Variants in MUC5AC observed in about 807,000 individuals in gnomAD.
MUC5AC encodes the protein mucin 5AC, oligomeric mucus/gel-forming, also known as mucin-5AC.
MUC5AC carries 158 observed loss-of-function variants against 169.7 expected under a neutral mutation model. The observed-to-expected ratio is 0.93, with a 90% CI of 0.82 to 1.06. The LOEUF is 1.06. Among genes scored for constraint, MUC5AC ranks in the 50% least tolerant of loss-of-function variants. The pLI, the probability that MUC5AC is intolerant of heterozygous loss-of-function variation, is 0.00. For missense variants in MUC5AC, 4,359 were observed against 3,089.9 expected, an observed-to-expected ratio of 1.41 and a Z score of -9.74; for synonymous variants, 1,975 against 1,237.0, an observed-to-expected ratio of 1.60 and a Z score of -12.52.
Position 1,194,472 on chromosome 11 carries a change from A to G in MUC5AC, c.15007-15A>G, listed in dbSNP as rs28452143. ...CCTGCCTTCTGACTTCCCGTCGACC[A>G]CGCCCTGCGTCCAGATCATCTTCAA... On this transcript the variant is annotated splice_polypyrimidine_tract_variant and intron_variant, in intron 34 of 48. Coordinates refer to ENST00000621226, the MANE Select transcript of MUC5AC (RefSeq NM_001304359.2). The G allele has an allele frequency of 0.62, 457,937 of 742,562 alleles. 144,052 individuals are homozygous for G. The highest frequency in any genetic ancestry group is 0.75 in the African/African-American group (44,156 of 58,718). 46.0% of individuals were successfully genotyped at this position (742,562 alleles called of 1,614,324 possible).
rs372347813 is a variant in MUC5AC, at chr11:1,168,658, C to T, written c.1584C>T (p.Phe528=). 329 of 1,610,456 alleles carry T rather than the reference C, an allele frequency of 2.0e-4. 1 individual carries two copies. Among genetic ancestry groups the T allele is most frequent in the Non-Finnish European group, 2.2e-4 (262 of 1,177,932 alleles). ...LPISAANVTI[F]RPSTFFIIAQ... Reference sequence around the variant, plus strand: ...TGTCCCCAGCCAACGTCACCATCTTCAGACCCTCAACCTTCTTCATCATCG... The same window carrying T: ...TGTCCCCAGCCAACGTCACCATCTTTAGACCCTCAACCTTCTTCATCATCG... The change falls in exon 14 of 49, where the codon TTC becomes TTT. Residue 528 remains phenylalanine (F), a synonymous_variant. Coordinates refer to ENST00000621226, the MANE Select transcript of MUC5AC (RefSeq NM_001304359.2).
Position 1,189,078 on chromosome 11 carries a change from A to G in MUC5AC, c.10933A>G (p.Thr3645Ala). ...STPSGRATSP[T>A]QSTSSWQKSR... The stretch of plus-strand genomic sequence containing the variant: ...CCCTAGTGGGAGAGCCACCAGCCCA[A>G]CTCAGAGCACCTCCTCTTGGCAGAA... Residue 3645 changes from threonine (T) to alanine (A), a missense_variant, in exon 31 of 49, where the codon ACT becomes GCT. By Grantham distance (58) the Thr-to-Ala change is moderately conservative. Transcript: ENST00000621226. The G allele has an allele frequency of 1.6e-6, 1 of 623,514 alleles. No homozygotes were observed. The highest frequency in any genetic ancestry group is 2.9e-6 in the Non-Finnish European group (1 of 348,180). The allele number at this position is 623,514 out of a possible 1,614,324, so 38.6% of individuals were successfully genotyped here. A position where few individuals can be genotyped will look rare whatever the true frequency, so the allele number is the denominator to read the frequency against.
At position 1,193,632 on chromosome 11, in the gene MUC5AC, G is replaced by A. The variant is rs1177000624; in HGVS notation, c.14728G>A (p.Gly4910Ser). The change falls in exon 33 of 49, where the codon GGC becomes AGC. Residue 4910 changes from glycine to serine, a missense_variant. Physicochemically the swap from Gly to Ser is moderately conservative, Grantham distance 56. Coordinates refer to ENST00000621226, the MANE Select transcript of MUC5AC (RefSeq NM_001304359.2). ...YPAVKVADQD[G>S]CCHHYQCQCV... is the part of the protein sequence containing the mutation. Reference sequence around the variant, plus strand: ...GGCTGTGAAGGTGGCTGACCAAGATGGCTGCTGCCATCACTACCAGTGCCA... The same window carrying A: ...GGCTGTGAAGGTGGCTGACCAAGATAGCTGCTGCCATCACTACCAGTGCCA... 1 of 765,022 alleles carries A rather than the reference G, an allele frequency of 1.3e-6. No individual in the cohort carries two copies. The highest frequency in any genetic ancestry group is 1.3e-5 in the South Asian group (1 of 74,628). The allele number at this position is 765,022 out of a possible 1,614,324, so 47.4% of individuals were successfully genotyped here.
At chr11:1,167,345 AAC>A (rs1262299167) in intron 11 of MUC5AC, among the ~76,000 whole-genome samples, 1 of 151,618 alleles carries the variant, frequency 6.6e-6, no homozygotes, top group Non-Finnish European at 1.5e-5. Context: ...CCCTGCACCC[AAC>A]ACACAGTCTC....
Position 1,188,665 on chromosome 11 carries a change from T to C in MUC5AC, c.10520T>C (p.Val3507Ala), listed in dbSNP as rs1233197019. ...AAGACCAGCACAAGCCATGTTTCTG[T>C]ATCCAAGACAACCCACTCCCAACCA... ...VSKTSTSHVS[V>A]SKTTHSQPVT... is the part of the protein sequence containing the mutation. The change falls in exon 31 of 49, where the codon GTA becomes GCA. Residue 3507 changes from valine to alanine, a missense_variant. Val to Ala is a moderately conservative substitution (Grantham distance 64, BLOSUM62 0). Coordinates refer to ENST00000621226, the MANE Select transcript of MUC5AC (RefSeq NM_001304359.2). 10 of 764,982 alleles carry C rather than the reference T, an allele frequency of 1.3e-5. No individual in the cohort carries two copies. In the African/African-American group the frequency reaches 1.5e-4, roughly 12 times the overall value. The allele number at this position is 764,982 out of a possible 1,614,324, so 47.4% of individuals were successfully genotyped here.
At position 1,182,209 on chromosome 11, in the gene MUC5AC, C is replaced by T; in HGVS notation, c.4064C>T (p.Pro1355Leu). 1 of 398,734 alleles carries T rather than the reference C, an allele frequency of 2.5e-6. No homozygotes were observed. Among genetic ancestry groups the T allele is most frequent in the East Asian group, 3.6e-5 (1 of 28,070 alleles). 24.7% of individuals were successfully genotyped at this position (398,734 alleles called of 1,614,324 possible). A position where few individuals can be genotyped will look rare whatever the true frequency, so the allele number is the denominator to read the frequency against. The stretch of plus-strand genomic sequence containing the variant: ...GGCCCAAGCAGCGCGCACACAGGCC[C>T]TCCGAGCAGCGCCTGGCCCACCACA... Reference protein sequence around the residue: ...SNGPSSAHTGPPSSAWPTTAG... With the variant: ...SNGPSSAHTGLPSSAWPTTAG... The change falls in exon 31 of 49, where the codon CCT (proline) becomes CTT (leucine). Residue 1355 changes from proline (P) to leucine (L), a missense_variant. Transcript: ENST00000621226.
intron 28 of MUC5AC, 43 bp from the exon 29 acceptor site, chr11:1,181,096 G>A (rs1860806468): frequency 5.0e-6 from 2 of 398,442 alleles, no homozygotes; most frequent in Non-Finnish European, 4.4e-6. Flanking sequence ...GAAGGCACAC[G>A]GCCGCCCCCA....
Position 1,196,474 on chromosome 11 carries a change from G to A in MUC5AC, c.15724G>A (p.Gly5242Arg), listed in dbSNP as rs755976302. The A allele has an allele frequency of 2.0e-5, 15 of 764,898 alleles. No homozygotes were observed. The highest frequency in any genetic ancestry group is 3.4e-5 in the African/African-American group (2 of 59,144). 47.4% of individuals were successfully genotyped at this position (764,898 alleles called of 1,614,324 possible). A position where few individuals can be genotyped will look rare whatever the true frequency, so the allele number is the denominator to read the frequency against. Reference protein sequence around the residue: ...YCYGNDSASLGALPEAGPITE... With the variant: ...YCYGNDSASLRALPEAGPITE... ...CTACGGGAATGACAGCGCCAGCCTC[G>A]GGTAGGCACCCTCCCTCCTGGCCCT... Residue 5242 changes from glycine (G) to arginine (R), a missense_variant and splice_region_variant, in exon 38 of 49, where the codon GGG becomes AGG. Physicochemically the swap from Gly to Arg is moderately radical, Grantham distance 125. Coordinates refer to ENST00000621226, the MANE Select transcript of MUC5AC (RefSeq NM_001304359.2).
At position 1,183,695 on chromosome 11, in the gene MUC5AC, C is replaced by T. The variant is rs1325784367; in HGVS notation, c.5550C>T (p.Thr1850=). The part of the protein sequence containing the change: ...CCETPRGCHM[T]STPGSTSSSP... ...AGACCCCCAGAGGCTGCCACATGACCTCCACACCTGGCTCCACCTCTAGCA... is the reference window on the plus strand; with the variant it reads ...AGACCCCCAGAGGCTGCCACATGACTTCCACACCTGGCTCCACCTCTAGCA... Residue 1850 remains threonine (T), a synonymous_variant, in exon 31 of 49, where the codon ACC becomes ACT. Coordinates refer to ENST00000621226, the MANE Select transcript of MUC5AC (RefSeq NM_001304359.2). 5 of 627,928 alleles carry T rather than the reference C, an allele frequency of 8.0e-6. No homozygotes were observed. Among genetic ancestry groups the T allele is most frequent in the Non-Finnish European group, 1.4e-5 (5 of 352,262 alleles). 38.9% of individuals were successfully genotyped at this position (627,928 alleles called of 1,614,324 possible). A position where few individuals can be genotyped will look rare whatever the true frequency, so the allele number is the denominator to read the frequency against.
intron 35 of MUC5AC, 142 bp from the exon 36 acceptor site, chr11:1,194,870 T>C (rs1038114409): frequency 3.2e-6 from 2 of 617,080 alleles, no homozygotes; most frequent in African/African-American, 3.7e-5. Flanking sequence ...AGGGTTGTTC[T>C]CGGGGGACAG....
intron 19 of MUC5AC, among the ~76,000 whole-genome samples, 177 bp from the exon 20 acceptor site, chr11:1,175,970 ACGCT>A (rs1440544415): frequency 7.2e-6 from 1 of 138,420 alleles, no homozygotes; most frequent in Non-Finnish European, 1.5e-5. Context: ...CAGTTATGCA[ACGCT>A]CACACCCACT....
chr11:1,200,035 C>A (rs1861383929), intron 48 of MUC5AC, 66 bp downstream of exon 48: 1 of 667,092 alleles, frequency 1.5e-6, no homozygotes, highest in East Asian at 2.6e-5. Flanking sequence ...GCCCCCAGGG[C>A]TCTAGGTGCC....
intron 27 of MUC5AC, 85 bp from the exon 28 acceptor site, chr11:1,180,269 C>T (rs878861627): frequency 1.3e-4 from 50 of 398,592 alleles, no homozygotes; most frequent in Admixed American, 3.5e-4. Flanking sequence ...CGGCGAGGCC[C>T]GCTGCTTGGG....
chr11:1,162,764 C>T, intron 5 of MUC5AC, 118 bp downstream of exon 5: 1 of 1,054,914 alleles, frequency 9.5e-7, no homozygotes, highest in Non-Finnish European at 1.4e-6. Context: ...TCAGACTCCA[C>T]CCCACACAGC....
rs1455335359 is a variant in MUC5AC at position 1,193,593 on chromosome 11, G to A, written c.14689G>A (p.Ala4897Thr). 2.6e-6 allele frequency: 2 copies of A among 764,888 alleles called. No homozygotes were observed. The highest frequency in any genetic ancestry group is 2.4e-5 in the East Asian group (1 of 41,264). 47.4% of individuals were successfully genotyped at this position (764,888 alleles called of 1,614,324 possible). The change falls in exon 33 of 49, where the codon GCC becomes ACC. Residue 4897 changes from alanine (A) to threonine (T), a missense_variant. Physicochemically the swap from Ala to Thr is moderately conservative, Grantham distance 58. Transcript: ENST00000621226. ...TCPRVEKPTC[A>T]NGYPAVKVAD... is the part of the protein sequence containing the mutation. ...CCCGAGGGTGGAGAAGCCCACTTGT[G>A]CCAACGGCTACCCGGCTGTGAAGGT... is the stretch of plus-strand genomic sequence containing the variant.
At chr11:1,162,457 G>C in intron 4 of MUC5AC, 75 bp from the exon 5 acceptor site, 1 of 1,342,518 alleles carries the variant, frequency 7.4e-7, no homozygotes, top group Non-Finnish European at 1.1e-6. Flanking sequence ...TCACATTTGC[G>C]ACCGCAGGCA....
chr11:1,192,711 G>C, intron 31 of MUC5AC, 72 bp from the exon 32 acceptor site: 1 of 696,024 alleles, frequency 1.4e-6, no homozygotes, highest in South Asian at 1.6e-5. Context: ...GTGCCCCTCT[G>C]GCTCTGGGAG....
In MUC5AC at chr11:1,200,487, G is replaced by C; in HGVS notation, c.16750G>C (p.Glu5584Gln). Residue 5584 changes from glutamate (E) to glutamine (Q), a missense_variant, in exon 49 of 49, where the codon GAG (glutamate) becomes CAG (glutamine). By Grantham distance (29) the Glu-to-Gln change is conservative. Coordinates refer to ENST00000621226, the MANE Select transcript of MUC5AC (RefSeq NM_001304359.2). ...TVEHRCQCCQ[E>Q]LRTSLRNVTL... ...GGAGCACAGGTGCCAGTGCTGCCAG[G>C]AGCTGCGGACCTCGCTGAGGAATGT... 1.4e-6 allele frequency: 1 copy of C among 737,834 alleles called. No homozygotes were observed. Among genetic ancestry groups the C allele is most frequent in the Non-Finnish European group, 2.5e-6 (1 of 404,886 alleles). The allele number at this position is 737,834 out of a possible 1,614,324, so 45.7% of individuals were successfully genotyped here. A position where few individuals can be genotyped will look rare whatever the true frequency, so the allele number is the denominator to read the frequency against.
chr11:1,161,707 T>G, intron 3 of MUC5AC, 121 bp downstream of exon 3: 1 of 1,313,142 alleles, frequency 7.6e-7, no homozygotes, highest in Non-Finnish European at 1.0e-6. Context: ...TGGGTGGGTA[T>G]TGGAGCCAGA....
Sources: allele counts gnomAD v4.1 joint callset (sites outside exome capture counted in the v4.1 genomes callset), GRCh38; gene constraint gnomAD v4.1.1; transcripts MANE v1.5; gene names NCBI Gene and HGNC (gene_info 2026-07-23, HGNC 2026-07-21).